Variants in LDLRAD4 observed in about 807,000 individuals in gnomAD.
LDLRAD4 encodes the protein low density lipoprotein receptor class A domain containing 4, also known as low-density lipoprotein receptor class A domain-containing protein 4.
A neutral mutation model predicts 17.0 loss-of-function variants in LDLRAD4; 5 were observed. The observed-to-expected ratio is 0.29, with a 90% CI of 0.15 to 0.62. The LOEUF (loss-of-function observed/expected upper bound fraction) is 0.62. Among genes scored for constraint, LDLRAD4 ranks in the 20% least tolerant of loss-of-function variants. The pLI is 0.84. For missense variants in LDLRAD4, 340 were observed against 424.7 expected, an observed-to-expected ratio of 0.80 and a Z score of 1.75; for synonymous variants, 168 against 171.8, an observed-to-expected ratio of 0.98 and a Z score of 0.17.
chr18:13,422,998 G>A (rs2089625635), intron 2 of LDLRAD4, among the ~76,000 whole-genome samples: 1 of 152,162 alleles, frequency 6.6e-6, no homozygotes, highest in South Asian at 2.1e-4. Context: ...GTTAATCCTG[G>A]CAGTCCTCTC....
intron 4 of LDLRAD4, chr18:13,642,375 G>T: frequency 2.9e-6 from 3 of 1,031,922 alleles, no homozygotes; most frequent in South Asian, 9.2e-5. Context: ...CCACACTCTG[G>T]GCTGAAAAGG....
chr18:13,485,344 T>G (rs952980048), intron 3 of LDLRAD4, among the ~76,000 whole-genome samples: 8 of 152,214 alleles, frequency 5.3e-5, no homozygotes, highest in Non-Finnish European at 1.2e-4. Flanking sequence ...CAGGAAGGCC[T>G]GAGTGAGGGG....
intron 2 of LDLRAD4, among the ~76,000 whole-genome samples, chr18:13,419,032 C>T (rs1276576176): frequency 6.6e-6 from 1 of 152,148 alleles, no homozygotes; most frequent in Admixed American, 6.6e-5. Flanking sequence ...GTGAGTGCTT[C>T]AATTGGAATG....
At chr18:13,607,952 TA>T (rs1426939034) in intron 3 of LDLRAD4, among the ~76,000 whole-genome samples, 1 of 152,238 alleles carries the variant, frequency 6.6e-6, no homozygotes, top group Non-Finnish European at 1.5e-5. Context: ...ATCCTTTGGG[TA>T]TATACCCAGT....
intron 3 of LDLRAD4, among the ~76,000 whole-genome samples, chr18:13,451,382 G>A (rs536522108): frequency 3.3e-5 from 5 of 152,108 alleles, no homozygotes; most frequent in African/African-American, 9.6e-5. Context: ...TCAGGTGTAC[G>A]GCACCTCCCC....
rs182820923 is a variant in LDLRAD4, at chr18:13,340,920, A to G, written c.-382-46421A>G. 2.1e-4 allele frequency among the ~76,000 whole-genome samples: 32 copies of G among 152,222 alleles called. No individual in the cohort carries two copies. In the East Asian group the frequency reaches 6.2e-3, roughly 29 times the overall value. On this transcript the variant is annotated intron_variant, in intron 1 of 5. Transcript: ENST00000359446. ...TTAATTTTTATGTATGGTGTAGGAC[A>G]AGGGTCCAGCTTCATTCTTTTGCAT... is the stretch of plus-strand genomic sequence containing the variant.
intron 1 of LDLRAD4, among the ~76,000 whole-genome samples, chr18:13,326,256 A>AG (rs1360233033): frequency 2.0e-5 from 3 of 152,134 alleles, no homozygotes; most frequent in African/African-American, 4.8e-5. Flanking sequence ...GTTTCCTTAA[A>AG]GGGGGGAAGG....
intron 1 of LDLRAD4, among the ~76,000 whole-genome samples, chr18:13,370,332 A>G (rs1220725697): frequency 6.6e-6 from 1 of 152,232 alleles, no homozygotes; most frequent in South Asian, 2.1e-4. Flanking sequence ...TTATAGGAAC[A>G]TGGAGTCCAG....
intron 3 of LDLRAD4, chr18:13,519,680 G>T (rs2147627910): frequency 6.6e-6 from 1 of 152,262 alleles, no homozygotes; most frequent in Non-Finnish European, 1.5e-5. Flanking sequence ...CAGGAGAATT[G>T]CTTAAACCCA....
chr18:13,272,598 G>T (rs73419307), intron 1 of LDLRAD4, among the ~76,000 whole-genome samples: 2 of 152,220 alleles, frequency 1.3e-5, no homozygotes, highest in Admixed American at 1.3e-4. Flanking sequence ...CGCGTGCTCC[G>T]TATGTGTTCC....
chr18:13,490,022 G>A (rs1348448994), intron 3 of LDLRAD4: 1 of 152,066 alleles, frequency 6.6e-6, no homozygotes, highest in Non-Finnish European at 1.5e-5. Context: ...ATGGCCAAAC[G>A]GAGTGTGTGC....
chr18:13,405,448 G>T (rs2087640948), intron 2 of LDLRAD4, among the ~76,000 whole-genome samples: 1 of 151,746 alleles, frequency 6.6e-6, no homozygotes. Flanking sequence ...TTTGAGGCGG[G>T]GTCTCACTCT....
intron 2 of LDLRAD4, among the ~76,000 whole-genome samples, chr18:13,417,490 T>G (rs183655197): frequency 0.014 from 2,053 of 151,396 alleles, 34 homozygotes; most frequent in Non-Finnish European, 0.019. Flanking sequence ...TGGAGTGCAG[T>G]GGCGCGATCT....
At chr18:13,529,761 A>G (rs1470633917) in intron 3 of LDLRAD4, among the ~76,000 whole-genome samples, 1 of 152,200 alleles carries the variant, frequency 6.6e-6, no homozygotes, top group Non-Finnish European at 1.5e-5. Flanking sequence ...TGCACAGAAG[A>G]CAGCGTTCTG....
chr18:13,388,798 G>A (rs998412598), intron 2 of LDLRAD4, among the ~76,000 whole-genome samples: 3 of 152,250 alleles, frequency 2.0e-5, no homozygotes, highest in African/African-American at 7.2e-5. Context: ...AAGAACGAGG[G>A]GACGGGTCTT....
chr18:13,526,904 TC>T (rs2094040745), intron 3 of LDLRAD4, among the ~76,000 whole-genome samples: 1 of 152,170 alleles, frequency 6.6e-6, no homozygotes, highest in African/African-American at 2.4e-5. Flanking sequence ...CCTTCCTCCT[TC>T]CCTCACTTCC....
chr18:13,328,180 A>C (rs973914111), intron 1 of LDLRAD4, among the ~76,000 whole-genome samples: 1 of 152,160 alleles, frequency 6.6e-6, no homozygotes, highest in Admixed American at 6.5e-5. Context: ...GGTTCTGGTG[A>C]GTCTACAGAG....
chr18:13,579,228 A>G (rs2094822672), intron 3 of LDLRAD4, among the ~76,000 whole-genome samples: 1 of 152,220 alleles, frequency 6.6e-6, no homozygotes, highest in African/African-American at 2.4e-5. Flanking sequence ...CTATTTGTTT[A>G]AAATGATAGT....
At chr18:13,400,871 T>C (rs1179786627) in intron 2 of LDLRAD4, among the ~76,000 whole-genome samples, 1 of 152,138 alleles carries the variant, frequency 6.6e-6, no homozygotes, top group Non-Finnish European at 1.5e-5. Flanking sequence ...TACCAGACAC[T>C]GTAGTAGGCA....
Sources: gnomAD v4.1 joint callset for allele counts (sites outside exome capture counted in the v4.1 genomes callset) on GRCh38, gnomAD v4.1.1 for gene constraint, MANE v1.5 for transcripts, NCBI Gene and HGNC (gene_info 2026-07-23, HGNC 2026-07-21) for gene names.